Variants in NHSL1 observed in about 807,000 individuals in gnomAD.
NHSL1 encodes the protein NHS-like protein 1.
NHSL1 carries 48 observed loss-of-function variants against 95.0 expected under a neutral mutation model. The ratio of observed to expected loss-of-function variants is 0.51; its 90% CI spans 0.40 to 0.64. The LOEUF is 0.64. NHSL1 is among the 30% of genes least tolerant of loss of function. The pLI, the probability that NHSL1 is intolerant of heterozygous loss-of-function variation, is 0.00. For synonymous variants in NHSL1, 783 were observed against 833.9 expected (o/e 0.94, Z 1.05); for missense variants, 1,971 against 2,077.7 (o/e 0.95, Z 1.00).
At chr6:138,586,839 G>A (rs986387124) in intron 1 of NHSL1, among the ~76,000 whole-genome samples, 1 of 152,148 alleles carries the variant, frequency 6.6e-6, no homozygotes, top group Admixed American at 6.5e-5. Flanking sequence ...AACCACACAG[G>A]ATGGGCCAGG....
intron 1 of NHSL1, among the ~76,000 whole-genome samples, chr6:138,630,260 C>T (rs896752467): frequency 1.3e-4 from 20 of 152,186 alleles, no homozygotes; most frequent in African/African-American, 4.6e-4. Context: ...TTGTAAACTA[C>T]ATACGTTGAT....
At chr6:138,599,560 TA>T (rs1562387618) in intron 1 of NHSL1, among the ~76,000 whole-genome samples, 1 of 152,190 alleles carries the variant, frequency 6.6e-6, no homozygotes, top group Non-Finnish European at 1.5e-5. Flanking sequence ...TTTCTCCTTA[TA>T]TAACATATGC....
At position 138,430,789 on chromosome 6, in the gene NHSL1, A is replaced by T; in HGVS notation, c.3556T>A (p.Ser1186Thr). The change falls in exon 6 of 8, where the codon TCT (serine) becomes ACT (threonine). Residue 1186 changes from serine (S) to threonine (T), a missense_variant. Physicochemically the swap from Ser to Thr is moderately conservative, Grantham distance 58. Transcript: ENST00000343505. This position sits in a 1 kb window ranked among gnomAD's most constrained non-coding sequence, Gnocchi z 4.7. ...PSPSTTPLPD[S>T]SPSRKPPPIS... ...GGGGGTGGCTTCCTGCTGGGTGAAGAGTCTGGGAGTGGGGTGGTGCTGGGG... is the reference window on the plus strand; with the variant it reads ...GGGGGTGGCTTCCTGCTGGGTGAAGTGTCTGGGAGTGGGGTGGTGCTGGGG... The T allele has an allele frequency of 6.4e-7, 1 of 1,551,264 alleles. No individual in the cohort carries two copies. The highest frequency in any genetic ancestry group is 8.7e-7 in the Non-Finnish European group (1 of 1,146,940).
At chr6:138,542,964 A>G (rs77561316) in intron 1 of NHSL1, among the ~76,000 whole-genome samples, 2 of 152,062 alleles carry the variant, frequency 1.3e-5, no homozygotes, top group Non-Finnish European at 2.9e-5. Flanking sequence ...AGGTCTCCCT[A>G]TGTTAGCCAG....
intron 1 of NHSL1, among the ~76,000 whole-genome samples, chr6:138,647,585 TC>T (rs1489946395): frequency 6.7e-6 from 1 of 149,722 alleles, no homozygotes; most frequent in African/African-American, 2.5e-5. Flanking sequence ...ATTGATCCCA[TC>T]AAAAAATATT....
At chr6:138,521,685 G>A (rs1781689386) in intron 1 of NHSL1, among the ~76,000 whole-genome samples, 1 of 152,158 alleles carries the variant, frequency 6.6e-6, no homozygotes, top group Admixed American at 6.5e-5. Context: ...TTTTGCTGAA[G>A]GTGCCTAAGT....
intron 1 of NHSL1, among the ~76,000 whole-genome samples, chr6:138,610,505 G>A (rs1020059266): frequency 2.7e-5 from 4 of 149,968 alleles, no homozygotes; most frequent in Admixed American, 6.6e-5. Flanking sequence ...AAACCTGCAC[G>A]TTGCGCACAT....
intron 1 of NHSL1, among the ~76,000 whole-genome samples, chr6:138,590,241 G>A (rs149924690): frequency 1.6e-4 from 25 of 152,250 alleles, no homozygotes; most frequent in African/African-American, 5.3e-4. Flanking sequence ...CAGGTGATCC[G>A]TTGGCCTTGG....
chr6:138,577,719 T>A (rs966524393), intron 1 of NHSL1, among the ~76,000 whole-genome samples: 9 of 152,180 alleles, frequency 5.9e-5, no homozygotes, highest in African/African-American at 2.2e-4. Flanking sequence ...GTTTTCCAAC[T>A]GTCATCTCCT....
chr6:138,669,454 T>C (rs6923321), intron 1 of NHSL1, among the ~76,000 whole-genome samples: 4,834 of 152,124 alleles, frequency 0.032, 206 homozygotes, highest in African/African-American at 0.094. Context: ...TTGGCGGTAA[T>C]AAGGACTTCT....
At chr6:138,689,165 T>C (rs1785626659) in intron 1 of NHSL1, among the ~76,000 whole-genome samples, 1 of 152,190 alleles carries the variant, frequency 6.6e-6, no homozygotes, top group African/African-American at 2.4e-5. Flanking sequence ...TTCAAACATC[T>C]ATTGAGCTAT....
chr6:138,659,293 G>A (rs1246863563), intron 1 of NHSL1, among the ~76,000 whole-genome samples: 6 of 151,950 alleles, frequency 3.9e-5, no homozygotes, highest in South Asian at 2.1e-4. Context: ...CAGGTGATCC[G>A]CCTGCCTCGG....
At chr6:138,577,558 T>C (rs765666294) in intron 1 of NHSL1, among the ~76,000 whole-genome samples, 8 of 152,034 alleles carry the variant, frequency 5.3e-5, no homozygotes, top group African/African-American at 1.2e-4. Flanking sequence ...GAGAACCACA[T>C]AGAGCACAGA....
At chr6:138,603,300 T>C (rs1044935854) in intron 1 of NHSL1, among the ~76,000 whole-genome samples, 4 of 152,142 alleles carry the variant, frequency 2.6e-5, no homozygotes, top group African/African-American at 7.2e-5. Context: ...TCCACCCATC[T>C]CAGTCTCCCA....
chr6:138,691,971 A>G (rs538852656), intron 1 of NHSL1: 3 of 456,752 alleles, frequency 6.6e-6, no homozygotes, highest in South Asian at 3.1e-5. Flanking sequence ...GAACACAGGT[A>G]GGCGGCGGGA....
intron 1 of NHSL1, among the ~76,000 whole-genome samples, chr6:138,660,505 G>A (rs1037138222): frequency 3.9e-5 from 6 of 151,982 alleles, no homozygotes; most frequent in Admixed American, 3.9e-4. Flanking sequence ...TAATTTAACA[G>A]CAGTAAAGAG....
intron 4 of NHSL1, among the ~76,000 whole-genome samples, chr6:138,446,414 T>C (rs1397068814): frequency 6.6e-6 from 1 of 152,204 alleles, no homozygotes; most frequent in Non-Finnish European, 1.5e-5. Context: ...GTCACCTTAA[T>C]TGTCACAAAT....
chr6:138,442,110 C>G lies in NHSL1; in HGVS notation c.537G>C (p.Glu179Asp), dbSNP rs1160468288. ...GAAGGCTGGCCTGGCGATCGAAATT[C>G]TCCCCTAATGTAGAGTAGTAGAACA... The part of the protein sequence containing the change: ...ADVVPINITG[E>D]NFDRQASLRR... The change falls in exon 5 of 8, where the codon GAG becomes GAC. Residue 179 changes from glutamate to aspartate, a missense_variant. Glu to Asp is a conservative substitution (Grantham distance 45). Around this residue, in one of 3 missense-constraint regions of NHSL1, gnomAD observed 1,602 missense variants for 1,654.5 expected, o/e 0.97. Transcript: ENST00000343505. 1 of 1,549,390 alleles carries G rather than the reference C, an allele frequency of 6.5e-7. No individual in the cohort carries two copies. Among genetic ancestry groups the G allele is most frequent in the South Asian group, 1.2e-5 (1 of 83,472 alleles).
chr6:138,478,195 G>A (rs916647506), intron 2 of NHSL1, among the ~76,000 whole-genome samples: 2 of 151,668 alleles, frequency 1.3e-5, no homozygotes, highest in African/African-American at 4.8e-5. Flanking sequence ...TGGTCAGGCT[G>A]GTCTCAAAGT....
Sources: allele counts gnomAD v4.1 joint callset (sites outside exome capture counted in the v4.1 genomes callset), GRCh38; gene constraint gnomAD v4.1.1; regional missense constraint gnomAD v4.1.1; non-coding constraint Gnocchi (gnomAD v3.1); transcripts MANE v1.5; gene names NCBI Gene and HGNC (gene_info 2026-07-23, HGNC 2026-07-21).